SYCP1: variants seen among roughly 807,000 people sequenced by gnomAD.
SYCP1 encodes the protein synaptonemal complex protein 1.
In SYCP1, 64 loss-of-function variants were observed where a neutral mutation model predicts 153.1. The observed-to-expected ratio is 0.42, with a 90% CI of 0.34 to 0.51. The LOEUF (loss-of-function observed/expected upper bound fraction) is 0.51. Among genes scored for constraint, SYCP1 ranks in the 20% least tolerant of loss-of-function variants. SYCP1 has a pLI of 0.06. For missense variants in SYCP1, 997 were observed against 1,049.0 expected, an observed-to-expected ratio of 0.95 and a Z score of 0.68; for synonymous variants, 384 against 341.8, an observed-to-expected ratio of 1.12 and a Z score of -1.36.
intron 23 of SYCP1, among the ~76,000 whole-genome samples, chr1:114,941,221 A>C (rs1481137605): frequency 6.6e-6 from 1 of 152,138 alleles, no homozygotes; most frequent in African/African-American, 2.4e-5. Flanking sequence ...TCCACATATA[A>C]ATGGATGCAG....
At chr1:114,959,351 T>C (rs1260226391) in intron 27 of SYCP1, among the ~76,000 whole-genome samples, 1 of 152,228 alleles carries the variant, frequency 6.6e-6, no homozygotes, top group East Asian at 1.9e-4. Flanking sequence ...TTTATTTTGC[T>C]GGATTTGGTT....
rs11102858 is a variant in SYCP1, at chr1:114,982,707, A to G, written c.2559+1195A>G. On this transcript the variant is annotated intron_variant, in intron 29 of 31. Coordinates refer to ENST00000369522, the MANE Select transcript of SYCP1 (RefSeq NM_003176.4). ...TTTAAATCTTTGTCTAGTTAAGTCC[A>G]ATGTCAAGGCTTCCTCAGGGAGAGT... is the stretch of plus-strand genomic sequence containing the variant. 6.1e-3 allele frequency among the ~76,000 whole-genome samples: 931 copies of G among 152,004 alleles called. 12 individuals carry two copies. Among genetic ancestry groups the G allele is most frequent in the African/African-American group, 0.021 (874 of 41,496 alleles).
At position 114,977,576 on chromosome 1, in the gene SYCP1, C is replaced by G; in HGVS notation, c.2342C>G (p.Ala781Gly). Reference sequence around the variant, plus strand: ...TAATAGGAAAAACTCAAAAGAGAGGCAAAAGAAAACACAGCTACTCTTAAA... The same window carrying G: ...TAATAGGAAAAACTCAAAAGAGAGGGAAAAGAAAACACAGCTACTCTTAAA... The part of the protein sequence containing the change: ...REEKEKLKRE[A>G]KENTATLKEK... Residue 781 changes from alanine to glycine, a missense_variant, in exon 28 of 32, where the codon GCA becomes GGA. Ala to Gly is a moderately conservative substitution (Grantham distance 60). Around this residue, in one of 2 missense-constraint regions of SYCP1, gnomAD observed 712 missense variants for 682.9 expected, o/e 1.04. Coordinates refer to ENST00000369522, the MANE Select transcript of SYCP1 (RefSeq NM_003176.4). The G allele has an allele frequency of 1.3e-6, 2 of 1,489,220 alleles. No homozygotes were observed. The highest frequency in any genetic ancestry group is 1.3e-5 in the South Asian group (1 of 74,282). 92.3% of individuals were successfully genotyped at this position (1,489,220 alleles called of 1,614,324 possible). A position where few individuals can be genotyped will look rare whatever the true frequency, so the allele number is the denominator to read the frequency against.
intron 27 of SYCP1, among the ~76,000 whole-genome samples, chr1:114,966,843 C>T (rs1297254813): frequency 6.6e-6 from 1 of 152,038 alleles, no homozygotes; most frequent in Non-Finnish European, 1.5e-5. Flanking sequence ...TGCCAGCATA[C>T]CTGGCTAATT....
chr1:114,936,844 C>T lies in SYCP1; in HGVS notation c.1927-7495C>T, dbSNP rs372425371. The stretch of plus-strand genomic sequence containing the variant: ...CTAGGAATCCAACTTACAAGGGATG[C>T]GAAGGACCTCTTCAAGGAGAACTAC... On this transcript the variant is annotated intron_variant, in intron 23 of 31. Transcript: ENST00000369522. Among the ~76,000 whole-genome samples the T allele has an allele frequency of 6.6e-4, 100 of 152,000 alleles. 1 individual carries two copies. Among genetic ancestry groups the T allele is most frequent in the East Asian group, 2.1e-3 (11 of 5,168 alleles).
intron 27 of SYCP1, among the ~76,000 whole-genome samples, chr1:114,968,710 G>A (rs1672298250): frequency 6.6e-6 from 1 of 152,170 alleles, no homozygotes; most frequent in Non-Finnish European, 1.5e-5. Flanking sequence ...ATCCAGTTTT[G>A]TTTCCTTGCT....
At chr1:114,872,527 G>C (rs1159853620) in intron 8 of SYCP1, among the ~76,000 whole-genome samples, 1 of 152,112 alleles carries the variant, frequency 6.6e-6, no homozygotes, top group Non-Finnish European at 1.5e-5. Flanking sequence ...CATTTATCCT[G>C]CTTTCTGTTC....
At chr1:114,885,442 C>T (rs574188496) in intron 12 of SYCP1, 93 bp from the exon 13 acceptor site, 332 of 688,916 alleles carry the variant, frequency 4.8e-4, no homozygotes, top group Admixed American at 6.1e-4. Context: ...TATTATCTAA[C>T]GGAGGAAAAA....
At chr1:114,879,336 A>G (rs1292603912) in intron 12 of SYCP1, among the ~76,000 whole-genome samples, 1 of 152,124 alleles carries the variant, frequency 6.6e-6, no homozygotes, top group Non-Finnish European at 1.5e-5. Context: ...GTTTCTGCCA[A>G]TCTATACCTG....
intron 28 of SYCP1, 28 bp from the exon 29 acceptor site, chr1:114,981,308 T>A: frequency 6.7e-7 from 1 of 1,498,292 alleles, no homozygotes; most frequent in Non-Finnish European, 9.0e-7. Context: ...TTAGTGATGG[T>A]TTTATTCATT....
At chr1:114,936,153 A>G (rs1375159905) in intron 23 of SYCP1, among the ~76,000 whole-genome samples, 3 of 152,240 alleles carry the variant, frequency 2.0e-5, no homozygotes, top group Admixed American at 1.3e-4. Context: ...AAAATCCTCA[A>G]TAAAATACTG....
At chr1:114,947,675 CG>C (rs373594328) in intron 27 of SYCP1, among the ~76,000 whole-genome samples, 27 of 151,110 alleles carry the variant, frequency 1.8e-4, no homozygotes, top group African/African-American at 6.3e-4. Context: ...TAGCCGGGTG[CG>C]GTGGCGGGCG....
At position 114,973,810 on chromosome 1, in the gene SYCP1, T is replaced by A. The variant is rs564490626; in HGVS notation, c.2323-3747T>A. 3.3e-5 allele frequency among the ~76,000 whole-genome samples: 5 copies of A among 152,106 alleles called. No homozygotes were observed. In the South Asian group the frequency reaches 1.0e-3, roughly 32 times the overall value. ...TTGATTTACTGTATTATTTCAATTA[T>A]GTGTACTTCAAATTTCTTATATATT... On this transcript the variant is annotated intron_variant, in intron 27 of 31. Coordinates refer to ENST00000369522, the MANE Select transcript of SYCP1 (RefSeq NM_003176.4).
Position 114,946,394 on chromosome 1 carries a change from A to G in SYCP1, c.2247+13A>G. ...GAGAGCATCTTTGGTGAGATACAGA[A>G]AAAATTGCAGTAACGGCCAGTTTTC... On this transcript the variant is annotated intron_variant, in intron 26 of 31. Coordinates refer to ENST00000369522, the MANE Select transcript of SYCP1 (RefSeq NM_003176.4). 1 of 1,547,186 alleles carries G rather than the reference A, an allele frequency of 6.5e-7. No individual in the cohort carries two copies. Among genetic ancestry groups the G allele is most frequent in the Non-Finnish European group, 8.8e-7 (1 of 1,142,574 alleles).
intron 8 of SYCP1, among the ~76,000 whole-genome samples, chr1:114,868,043 G>A (rs1365448300): frequency 1.3e-5 from 2 of 151,588 alleles, no homozygotes; most frequent in African/African-American, 4.8e-5. Flanking sequence ...GTTATGTGAT[G>A]GATTACAATA....
intron 11 of SYCP1, among the ~76,000 whole-genome samples, chr1:114,877,392 T>C (rs1027507688): frequency 2.6e-5 from 4 of 152,212 alleles, no homozygotes; most frequent in African/African-American, 9.6e-5. Context: ...GCTTCCCAAA[T>C]GGAAAGCAAT....
intron 23 of SYCP1, among the ~76,000 whole-genome samples, chr1:114,927,402 T>A (rs1669329646): frequency 6.6e-6 from 1 of 151,760 alleles, no homozygotes; most frequent in Admixed American, 6.6e-5. Context: ...CAATAAAAAA[T>A]AACACTGAAA....
intron 16 of SYCP1, 73 bp downstream of exon 16, chr1:114,895,582 C>T: frequency 1.3e-6 from 1 of 757,064 alleles, no homozygotes; most frequent in Admixed American, 3.3e-5. Flanking sequence ...AACTTATAGA[C>T]TCTCACACTA....
intron 12 of SYCP1, among the ~76,000 whole-genome samples, chr1:114,884,139 A>G (rs1666142087): frequency 6.6e-6 from 1 of 152,208 alleles, no homozygotes; most frequent in African/African-American, 2.4e-5. Flanking sequence ...GTCTTCATGA[A>G]TTATGAACCA....
Sources: gnomAD v4.1 joint callset for allele counts (sites outside exome capture counted in the v4.1 genomes callset) on GRCh38, gnomAD v4.1.1 for gene constraint, gnomAD v4.1.1 regional missense constraint, MANE v1.5 for transcripts, NCBI Gene and HGNC (gene_info 2026-07-23, HGNC 2026-07-21) for gene names.